CENPP: variants seen among roughly 807,000 people sequenced by gnomAD.
The protein encoded by CENPP is centromere protein P.
CENPP carries 24 observed loss-of-function variants against 35.6 expected under a neutral mutation model. The ratio of observed to expected loss-of-function variants is 0.67; its 90% CI spans 0.49 to 0.95. CENPP has a LOEUF of 0.95. CENPP is among the 40% of genes least tolerant of loss of function. The pLI is 0.00. For missense variants in CENPP, 332 were observed against 345.3 expected, an observed-to-expected ratio of 0.96 and a Z score of 0.31; for synonymous variants, 120 against 125.5, an observed-to-expected ratio of 0.96 and a Z score of 0.29.
chr9:92,469,209 C>T (rs937820521), intron 5 of CENPP, among the ~76,000 whole-genome samples: 2 of 151,622 alleles, frequency 1.3e-5, no homozygotes, highest in African/African-American at 4.9e-5. Flanking sequence ...TTTAGTGAGA[C>T]CTAACTTATA....
At chr9:92,599,693 A>G (rs1317999244) in intron 5 of CENPP, among the ~76,000 whole-genome samples, 2 of 152,176 alleles carry the variant, frequency 1.3e-5, no homozygotes, top group African/African-American at 2.4e-5. Flanking sequence ...CTGGGATTAC[A>G]GGCGTGAGCC....
chr9:92,501,561 T>C (rs546671311), intron 5 of CENPP, among the ~76,000 whole-genome samples: 9 of 152,282 alleles, frequency 5.9e-5, no homozygotes, highest in Non-Finnish European at 1.0e-4. Context: ...CCTGAGGGAA[T>C]CTAGAAAATG....
chr9:92,578,244 A>G (rs1850332661), intron 5 of CENPP, among the ~76,000 whole-genome samples: 1 of 151,956 alleles, frequency 6.6e-6, no homozygotes, highest in Non-Finnish European at 1.5e-5. Flanking sequence ...ATTGTGAATA[A>G]TGCCGCAGTA....
intron 5 of CENPP, among the ~76,000 whole-genome samples, chr9:92,571,587 C>T (rs1318741330): frequency 2.0e-5 from 3 of 152,172 alleles, no homozygotes; most frequent in Non-Finnish European, 4.4e-5. Context: ...CTGTAGATGT[C>T]TTTTAGGTCT....
intron 5 of CENPP, among the ~76,000 whole-genome samples, chr9:92,495,073 A>G (rs568884389): frequency 1.3e-5 from 2 of 152,322 alleles, no homozygotes; most frequent in South Asian, 2.1e-4. Context: ...AAAATGCTTT[A>G]CATTCTTTTC....
At chr9:92,608,558 T>C (rs953082928) in intron 5 of CENPP, among the ~76,000 whole-genome samples, 2 of 152,196 alleles carry the variant, frequency 1.3e-5, no homozygotes, top group Admixed American at 6.5e-5. Context: ...TGTATATAAC[T>C]AACGTACCCC....
chr9:92,603,303 G>A (rs1383757888), intron 5 of CENPP, among the ~76,000 whole-genome samples: 1 of 152,238 alleles, frequency 6.6e-6, no homozygotes, highest in African/African-American at 2.4e-5. Flanking sequence ...GCATGGTAAT[G>A]TGTGAAGAAC....
chr9:92,495,292 T>G (rs1378075568), intron 5 of CENPP: 1 of 803,484 alleles, frequency 1.2e-6, no homozygotes, highest in Non-Finnish European at 1.5e-6. Context: ...TAAATTACTT[T>G]AGCAATACAA....
intron 4 of CENPP, among the ~76,000 whole-genome samples, chr9:92,368,886 A>G (rs1841947305): frequency 6.6e-6 from 1 of 152,082 alleles, no homozygotes; most frequent in Admixed American, 6.5e-5. Context: ...AAAAAAAGAA[A>G]TTGAAAAACA....
At chr9:92,453,053 C>T (rs1844761144) in intron 5 of CENPP, among the ~76,000 whole-genome samples, 3 of 152,064 alleles carry the variant, frequency 2.0e-5, no homozygotes, top group African/African-American at 7.2e-5. Flanking sequence ...AAAACCAGCT[C>T]CTGGATTCAT....
intron 5 of CENPP, among the ~76,000 whole-genome samples, chr9:92,557,798 A>T (rs117980872): frequency 0.04 from 6,045 of 151,918 alleles, 185 homozygotes; most frequent in South Asian, 0.098. Flanking sequence ...ATGCACCACC[A>T]CGCCCGACTA....
intron 5 of CENPP, among the ~76,000 whole-genome samples, chr9:92,412,638 A>G (rs1843475696): frequency 6.6e-6 from 1 of 152,216 alleles, no homozygotes; most frequent in Admixed American, 6.5e-5. Context: ...GACTTCTTTC[A>G]CTGAGCATAA....
chr9:92,343,827 G>A lies in CENPP; in HGVS notation c.379-1872G>A, dbSNP rs535850547. Among the ~76,000 whole-genome samples, 3 of 151,812 alleles carry A rather than the reference G, an allele frequency of 2.0e-5. No homozygotes were observed. In the South Asian group the frequency reaches 6.2e-4, roughly 32 times the overall value. On this transcript the variant is annotated intron_variant, in intron 3 of 7. Coordinates refer to ENST00000375587, the MANE Select transcript of CENPP (RefSeq NM_001012267.3). ...ATAAAAAAGAAATTAGCCAGGCTTG[G>A]TTACTTACATATATAGTCCTAGCCA...
chr9:92,564,551 C>A (rs1202617094), intron 5 of CENPP, among the ~76,000 whole-genome samples: 4 of 151,844 alleles, frequency 2.6e-5, no homozygotes, highest in Admixed American at 2.6e-4. Context: ...AATATGAAGC[C>A]CAGGTTTTTG....
Position 92,517,879 on chromosome 9 carries a change from G to A in CENPP, c.565-93435G>A, listed in dbSNP as rs1022476423. 5 of 1,613,116 alleles carry A rather than the reference G, an allele frequency of 3.1e-6. No individual in the cohort carries two copies. The African/African-American group carries it at 5.3e-5, about 17-fold the overall frequency. ...ACCAAACAGTGTCCCTTCTTTCCTA[G>A]AAGAAAACAAAAGCACAAATTTAAA... On this transcript the variant is annotated intron_variant, in intron 5 of 7. Transcript: ENST00000375587.
At chr9:92,465,696 T>C (rs1373011084) in intron 5 of CENPP, among the ~76,000 whole-genome samples, 4 of 152,206 alleles carry the variant, frequency 2.6e-5, no homozygotes, top group African/African-American at 9.6e-5. Flanking sequence ...TTCCAAATAA[T>C]ATCCAAACTA....
rs1304684707 is a variant in CENPP, at chr9:92,471,805, G to A, written c.564+91946G>A. On this transcript the variant is annotated intron_variant, in intron 5 of 7. Transcript: ENST00000375587. ...CCTTAGCCTCCCGAGTAGCTAGGATGTGTACCACCATGCCTGGCTAATTGT... is the reference window on the plus strand; with the variant it reads ...CCTTAGCCTCCCGAGTAGCTAGGATATGTACCACCATGCCTGGCTAATTGT... Among the ~76,000 whole-genome samples the A allele has an allele frequency of 8.6e-5, 13 of 151,546 alleles. No homozygotes were observed. The East Asian group carries it at 2.2e-3, about 25-fold the overall frequency.
chr9:92,535,929 T>G lies in CENPP; in HGVS notation c.565-75385T>G, dbSNP rs759968158. ...TAGAAACTTAAAATTTAAAACTTTTTTACCTGGAGATCTAAACTAAGTAGG... is the reference window on the plus strand; with the variant it reads ...TAGAAACTTAAAATTTAAAACTTTTGTACCTGGAGATCTAAACTAAGTAGG... On this transcript the variant is annotated intron_variant, in intron 5 of 7. Coordinates refer to ENST00000375587, the MANE Select transcript of CENPP (RefSeq NM_001012267.3). 1.1e-5 allele frequency: 5 copies of G among 470,952 alleles called. No individual in the cohort carries two copies. In the East Asian group the frequency reaches 2.9e-4, roughly 27 times the overall value. The allele number at this position is 470,952 out of a possible 1,614,324, so 29.2% of individuals were successfully genotyped here.
intron 5 of CENPP, chr9:92,493,663 A>C (rs539691559): frequency 6.5e-6 from 1 of 154,426 alleles, no homozygotes; most frequent in African/African-American, 2.4e-5. Flanking sequence ...TATTGTGAAG[A>C]GTGTTTGCTA....
Sources: allele counts gnomAD v4.1 joint callset (sites outside exome capture counted in the v4.1 genomes callset), GRCh38; gene constraint gnomAD v4.1.1; transcripts MANE v1.5; gene names NCBI Gene and HGNC (gene_info 2026-07-23, HGNC 2026-07-21).